Variants in RNF139 observed in about 807,000 individuals in gnomAD.
The protein encoded by RNF139 is ring finger protein 139.
In RNF139, 15 loss-of-function variants were observed where a neutral mutation model predicts 49.5. The ratio of observed to expected loss-of-function variants is 0.30; its 90% confidence interval spans 0.20 to 0.47. RNF139 has a LOEUF of 0.47. Ranked by LOEUF, RNF139 falls within the 20% of genes least tolerant of loss-of-function variation. The probability of loss-of-function intolerance (pLI) is 1.00; values close to 1 mark genes in which losing one functional copy is unlikely to be tolerated. For synonymous variants in RNF139, 325 were observed against 300.9 expected, an observed-to-expected ratio of 1.08 and a Z score of -0.83; for missense variants, 619 against 806.3, an observed-to-expected ratio of 0.77 and a Z score of 2.81.
Position 124,488,488 on chromosome 8 carries a change from A to G in RNF139, c.*844A>G, listed in dbSNP as rs1185933388. The G allele has an allele frequency of 1.6e-6, 1 of 630,364 alleles. No individual in the cohort carries two copies. The highest frequency in any genetic ancestry group is 2.8e-6 in the Non-Finnish European group (1 of 354,950). The allele number at this position is 630,364 out of a possible 1,614,324, so 39.0% of individuals were successfully genotyped here. On this transcript the variant is annotated 3_prime_UTR_variant, in exon 2 of 2. Coordinates refer to ENST00000303545, the MANE Select transcript of RNF139 (RefSeq NM_007218.4). ...GGTGGGGAATGGTGTGTACCGATATATAGTATTTCTTTAGACAACTTGCAG... is the reference window on the plus strand; with the variant it reads ...GGTGGGGAATGGTGTGTACCGATATGTAGTATTTCTTTAGACAACTTGCAG...
At position 124,485,920 on chromosome 8, in the gene RNF139, A is replaced by T; in HGVS notation, c.271A>T (p.Thr91Ser). ...CAGCTCAGCCTTTCTGTTAGCTGCA[A>T]CTTCAGTGTTGGTGAATTATTATGC... is the stretch of plus-strand genomic sequence containing the variant. ...TYSSAFLLAA[T>S]SVLVNYYASL... Residue 91 changes from threonine (T) to serine (S), a missense_variant, in exon 2 of 2, where the codon ACT (threonine) becomes TCT (serine). Around this residue, in one of 2 missense-constraint regions of RNF139, gnomAD observed 530 missense variants for 728.9 expected, o/e 0.73. Transcript: ENST00000303545. The T allele has an allele frequency of 1.2e-6, 2 of 1,614,084 alleles. No homozygotes were observed. The highest frequency in any genetic ancestry group is 1.7e-6 in the Non-Finnish European group (2 of 1,180,006).
chr8:124,475,130 G>A lies in RNF139; in HGVS notation c.21G>A (p.Pro7=), dbSNP rs1196561194. 7.1e-6 allele frequency: 11 copies of A among 1,551,802 alleles called. No individual in the cohort carries two copies. Among genetic ancestry groups the A allele is most frequent in the Admixed American group, 3.5e-5 (2 of 57,464 alleles). The change falls in exon 1 of 2, where the codon CCG becomes CCA. Residue 7 remains proline, a synonymous_variant. Transcript: ENST00000303545. MAAVGP[P]QQQVRMAHQQ... ...GGCTCATGGCGGCCGTGGGGCCCCCGCAGCAGCAGGTGCGGATGGCCCATC... is the reference window on the plus strand; with the variant it reads ...GGCTCATGGCGGCCGTGGGGCCCCCACAGCAGCAGGTGCGGATGGCCCATC...
In RNF139 at chr8:124,486,203, T is replaced by C; in HGVS notation, c.554T>C (p.Ile185Thr). The C allele has an allele frequency of 1.9e-6, 3 of 1,614,210 alleles. No individual in the cohort carries two copies. Among genetic ancestry groups the C allele is most frequent in the Non-Finnish European group, 2.5e-6 (3 of 1,180,034 alleles). Residue 185 changes from isoleucine to threonine, a missense_variant, in exon 2 of 2, where the codon ATT becomes ACT. Coordinates refer to ENST00000303545, the MANE Select transcript of RNF139 (RefSeq NM_007218.4). ...RETLLFTSSL[I>T]LTLNTVFVLA... ...ACTTTACTGTTTACTTCTTCCTTGA[T>C]TCTCACATTAAATACAGTGTTTGTC... is the stretch of plus-strand genomic sequence containing the variant.
intron 1 of RNF139, 93 bp downstream of exon 1, chr8:124,475,383 G>T (rs762579705): frequency 7.7e-7 from 1 of 1,296,388 alleles, no homozygotes. Context: ...CATGGGTCGA[G>T]TATGTGTCTT....
At position 124,475,181 on chromosome 8, in the gene RNF139, G is replaced by A. The variant is rs1816291440; in HGVS notation, c.72G>A (p.Val24=). The change falls in exon 1 of 2, where the codon GTG becomes GTA. Residue 24 remains valine (V), a synonymous_variant. Transcript: ENST00000303545. ...AHQQVWAALE[V]ALRVPCLYII... is the part of the protein sequence containing the mutation. ...AGCAGGTCTGGGCGGCGCTCGAAGT[G>A]GCGCTCCGGGTGCCCTGCCTTTACA... 3.1e-6 allele frequency: 5 copies of A among 1,613,718 alleles called. No individual in the cohort carries two copies. The highest frequency in any genetic ancestry group is 4.2e-6 in the Non-Finnish European group (5 of 1,179,962).
chr8:124,486,274 T>C lies in RNF139; in HGVS notation c.625T>C (p.Tyr209His), dbSNP rs1816526538. 1.2e-6 allele frequency: 2 copies of C among 1,614,110 alleles called. No homozygotes were observed. Among genetic ancestry groups the C allele is most frequent in the East Asian group, 2.2e-5 (1 of 44,878 alleles). Residue 209 changes from tyrosine (Y) to histidine (H), a missense_variant, in exon 2 of 2, where the codon TAT (tyrosine) becomes CAT (histidine). Physicochemically the swap from Tyr to His is moderately conservative, Grantham distance 83. This residue lies in a region of RNF139 where 530 missense variants were observed against 728.9 expected (regional missense o/e 0.73). Transcript: ENST00000303545. ...GTTTTATTATTCCACACGATATGTT[T>C]ATCTTTTGGTGAGGCACATGTATCG... is the stretch of plus-strand genomic sequence containing the variant. ...KWFYYSTRYV[Y>H]LLVRHMYRIY...
rs1257146885 is a variant in RNF139, at chr8:124,485,889, C to T, written c.240C>T (p.Tyr80=). The part of the protein sequence containing the change: ...ILSQRSLFKF[Y]TYSSAFLLAA... Reference sequence around the variant, plus strand: ...CACAACGATCACTTTTCAAGTTTTACACGTACAGCTCAGCCTTTCTGTTAG... The same window carrying T: ...CACAACGATCACTTTTCAAGTTTTATACGTACAGCTCAGCCTTTCTGTTAG... The change falls in exon 2 of 2, where the codon TAC becomes TAT. Residue 80 remains tyrosine, a synonymous_variant. Transcript: ENST00000303545. The T allele has an allele frequency of 3.1e-6, 5 of 1,613,702 alleles. No individual in the cohort carries two copies. The African/African-American group carries it at 6.7e-5, about 22-fold the overall frequency.
Position 124,486,551 on chromosome 8 carries a change from T to C in RNF139, c.902T>C (p.Val301Ala). 1 of 1,614,230 alleles carries C rather than the reference T, an allele frequency of 6.2e-7. No homozygotes were observed. The highest frequency in any genetic ancestry group is 8.5e-7 in the Non-Finnish European group (1 of 1,180,042). The change falls in exon 2 of 2, where the codon GTA becomes GCA. Residue 301 changes from valine to alanine, a missense_variant. Val to Ala is a moderately conservative substitution (Grantham distance 64). Coordinates refer to ENST00000303545, the MANE Select transcript of RNF139 (RefSeq NM_007218.4). ...GGCATGAGTGCTGTAATTTCCTCAG[T>C]AGCCCATTATTTGGGGCTTGGAATA... Reference protein sequence around the residue: ...VLGMSAVISSVAHYLGLGILA... With the variant: ...VLGMSAVISSAAHYLGLGILA...
At chr8:124,483,260 A>G (rs1816481153) in intron 1 of RNF139, 1 of 148,524 alleles carries the variant, frequency 6.7e-6, no homozygotes. Context: ...CTTTTCACAG[A>G]TGACTTGACA....
At chr8:124,479,642 C>T (rs912595309) in intron 1 of RNF139, among the ~76,000 whole-genome samples, 5 of 152,118 alleles carry the variant, frequency 3.3e-5, no homozygotes, top group East Asian at 1.9e-4. Context: ...GCCAGTAGCA[C>T]CTTGCACCCC....
intron 1 of RNF139, among the ~76,000 whole-genome samples, chr8:124,475,525 G>C (rs11778396): frequency 0.3 from 46,174 of 152,200 alleles, 8,163 homozygotes; most frequent in Non-Finnish European, 0.4. Context: ...AGTGAGGTGG[G>C]GAGAAAGTAA....
rs1404217999 is a variant in RNF139, at chr8:124,487,747, A to G, written c.*103A>G. Reference sequence around the variant, plus strand: ...TCAGTGTGTAACCAAGCACAAAAACAGTATCAATGTTGAATCTGTGAATGG... The same window carrying G: ...TCAGTGTGTAACCAAGCACAAAAACGGTATCAATGTTGAATCTGTGAATGG... On this transcript the variant is annotated 3_prime_UTR_variant, in exon 2 of 2. Transcript: ENST00000303545. 9 of 1,128,980 alleles carry G rather than the reference A, an allele frequency of 8.0e-6. No homozygotes were observed. Among genetic ancestry groups the G allele is most frequent in the Non-Finnish European group, 1.1e-5 (9 of 808,086 alleles). 69.9% of individuals were successfully genotyped at this position (1,128,980 alleles called of 1,614,324 possible). A position where few individuals can be genotyped will look rare whatever the true frequency, so the allele number is the denominator to read the frequency against.
intron 1 of RNF139, among the ~76,000 whole-genome samples, chr8:124,476,035 G>A (rs1410672063): frequency 6.6e-6 from 1 of 152,208 alleles, no homozygotes; most frequent in Non-Finnish European, 1.5e-5. Flanking sequence ...TACATCATCA[G>A]AGGGAGATGC....
Position 124,486,788 on chromosome 8 carries a change from C to CCT in RNF139, c.1143_1144dup (p.His382LeufsTer36). On this transcript the variant is annotated frameshift_variant, in exon 2 of 2. Coordinates refer to ENST00000303545, the MANE Select transcript of RNF139 (RefSeq NM_007218.4). LOFTEE classifies it high-confidence loss of function. The stretch of plus-strand genomic sequence containing the variant: ...GACCCTGTATTAATGTCTCTCAGTG[C>CCT]CTCTCATGTGTCATCTTTTCGTAGA... The CCT allele has an allele frequency of 6.2e-7, 1 of 1,613,826 alleles. No homozygotes were observed. The highest frequency in any genetic ancestry group is 8.5e-7 in the Non-Finnish European group (1 of 1,179,974).
At position 124,487,489 on chromosome 8, in the gene RNF139, C is replaced by CCTCTTA; in HGVS notation, c.1841_1842insTCTTAC (p.Pro614_Glu615insLeuThr). The CCTCTTA allele has an allele frequency of 6.2e-7, 1 of 1,614,022 alleles. No homozygotes were observed. Among genetic ancestry groups the CCTCTTA allele is most frequent in the East Asian group, 2.2e-5 (1 of 44,880 alleles). The stretch of plus-strand genomic sequence containing the variant: ...TGGATTTATTCCACCCAATGAAACT[C>CCTCTTA]CAGAGGAAGCTGTAAGAGAAGCTGC... On this transcript the variant is annotated inframe_insertion, in exon 2 of 2. Coordinates refer to ENST00000303545, the MANE Select transcript of RNF139 (RefSeq NM_007218.4).
Position 124,487,399 on chromosome 8 carries a change from A to T in RNF139, c.1750A>T (p.Met584Leu). The T allele has an allele frequency of 6.2e-7, 1 of 1,614,146 alleles. No individual in the cohort carries two copies. The highest frequency in any genetic ancestry group is 8.5e-7 in the Non-Finnish European group (1 of 1,180,002). Reference protein sequence around the residue: ...KWLYIQDTCPMCHQKVYIEDD... With the variant: ...KWLYIQDTCPLCHQKVYIEDD... Reference sequence around the variant, plus strand: ...GCTGTACATTCAAGATACTTGTCCAATGTGCCATCAGAAAGTATACATCGA... The same window carrying T: ...GCTGTACATTCAAGATACTTGTCCATTGTGCCATCAGAAAGTATACATCGA... Residue 584 changes from methionine (M) to leucine (L), a missense_variant, in exon 2 of 2, where the codon ATG becomes TTG. By Grantham distance (15) the Met-to-Leu change is conservative. This residue lies in a region of RNF139 where 530 missense variants were observed against 728.9 expected (regional missense o/e 0.73). Transcript: ENST00000303545.
chr8:124,486,227 T>C lies in RNF139; in HGVS notation c.578T>C (p.Val193Ala), dbSNP rs1816525665. The part of the protein sequence containing the change: ...SLILTLNTVF[V>A]LAVKLKWFYY... ...ATTCTCACATTAAATACAGTGTTTG[T>C]CCTGGCAGTGAAACTGAAGTGGTTT... is the stretch of plus-strand genomic sequence containing the variant. The change falls in exon 2 of 2, where the codon GTC becomes GCC. Residue 193 changes from valine (V) to alanine (A), a missense_variant. By Grantham distance (64) the Val-to-Ala change is moderately conservative. Transcript: ENST00000303545. 1 of 1,614,208 alleles carries C rather than the reference T, an allele frequency of 6.2e-7. No individual in the cohort carries two copies. Among genetic ancestry groups the C allele is most frequent in the Non-Finnish European group, 8.5e-7 (1 of 1,180,016 alleles).
At chr8:124,478,116 C>T (rs1301635998) in intron 1 of RNF139, among the ~76,000 whole-genome samples, 1 of 151,018 alleles carries the variant, frequency 6.6e-6, no homozygotes, top group Non-Finnish European at 1.5e-5. Flanking sequence ...GCACTCCAGC[C>T]TGGGGATAGA....
Position 124,475,239 on chromosome 8 carries a change from T to G in RNF139, c.130T>G (p.Ser44Ala). ...IDAIFNSYPD[S>A]SQSRFCIVLQ... ...CGCCATCTTCAACTCCTACCCGGAT[T>G]CCAGCCAAAGCCGGTTCTGCATCGT... The change falls in exon 1 of 2, where the codon TCC (serine) becomes GCC (alanine). Residue 44 changes from serine to alanine, a missense_variant. Ser to Ala is a moderately conservative substitution (Grantham distance 99). Transcript: ENST00000303545. 6.2e-7 allele frequency: 1 copy of G among 1,613,756 alleles called. No individual in the cohort carries two copies. The highest frequency in any genetic ancestry group is 1.1e-5 in the South Asian group (1 of 91,060).
Sources: allele counts gnomAD v4.1 joint callset (sites outside exome capture counted in the v4.1 genomes callset), GRCh38; gene constraint gnomAD v4.1.1; regional missense constraint gnomAD v4.1.1; transcripts MANE v1.5; gene names NCBI Gene and HGNC (gene_info 2026-07-23, HGNC 2026-07-21).